NEDD4: variants seen among roughly 807,000 people sequenced by gnomAD.
The protein encoded by NEDD4 is E3 ubiquitin-protein ligase NEDD4.
Under a neutral mutation model 144.9 loss-of-function variants are expected in NEDD4, and 99 were observed. The ratio of observed to expected loss-of-function variants is 0.68; its 90% confidence interval spans 0.58 to 0.81. The LOEUF is 0.81. Ranked by LOEUF, NEDD4 falls within the 30% of genes least tolerant of loss-of-function variation. The pLI is 0.00. For missense variants in NEDD4, 985 were observed against 1,065.9 expected, an observed-to-expected ratio of 0.92 and a Z score of 1.06; for synonymous variants, 318 against 350.6, an observed-to-expected ratio of 0.91 and a Z score of 1.04.
intron 5 of NEDD4, among the ~76,000 whole-genome samples, chr15:55,908,761 G>A (rs2036179118): frequency 6.6e-6 from 1 of 152,158 alleles, no homozygotes; most frequent in East Asian, 1.9e-4. Context: ...TAGCCTGTGA[G>A]TCGGACACAG....
At chr15:55,945,367 G>A (rs1221247347) in intron 4 of NEDD4, among the ~76,000 whole-genome samples, 1 of 152,150 alleles carries the variant, frequency 6.6e-6, no homozygotes, top group Non-Finnish European at 1.5e-5. Context: ...TGTGATACAT[G>A]CACAAGCTTC....
intron 1 of NEDD4, among the ~76,000 whole-genome samples, chr15:55,990,434 A>C (rs2037970733): frequency 6.6e-6 from 1 of 152,148 alleles, no homozygotes; most frequent in Non-Finnish European, 1.5e-5. Context: ...GACTTCAAGA[A>C]TATAATCAAT....
At chr15:55,935,802 G>A (rs371178481) in intron 4 of NEDD4, among the ~76,000 whole-genome samples, 2 of 144,186 alleles carry the variant, frequency 1.4e-5, no homozygotes, top group African/African-American at 5.1e-5. Flanking sequence ...AGTTGAGATC[G>A]TGCCACTACA....
intron 4 of NEDD4, among the ~76,000 whole-genome samples, chr15:55,948,611 G>A (rs1204478443): frequency 6.6e-6 from 1 of 152,186 alleles, no homozygotes; most frequent in African/African-American, 2.4e-5. Context: ...CAGAGATACA[G>A]ACCAATGGAA....
chr15:55,918,151 G>A (rs1178900695), intron 5 of NEDD4, among the ~76,000 whole-genome samples: 1 of 152,028 alleles, frequency 6.6e-6, no homozygotes, highest in Non-Finnish European at 1.5e-5. Context: ...CTACCCTAGA[G>A]GTGGAATTAC....
At position 55,829,651 on chromosome 15, in the gene NEDD4, T is replaced by TC; in HGVS notation, c.*245_*246insG. On this transcript the variant is annotated 3_prime_UTR_variant, in exon 29 of 29. Transcript: ENST00000435532. ...TGAACTCTAAAGCCAGGTGTGGTGG[T>TC]GCCTGGCTTTAGGCAGGCACCTAAC... 1 of 375,606 alleles carries TC rather than the reference T, an allele frequency of 2.7e-6. No individual in the cohort carries two copies. Among genetic ancestry groups the TC allele is most frequent in the Non-Finnish European group, 4.8e-6 (1 of 206,844 alleles). 23.3% of individuals were successfully genotyped at this position (375,606 alleles called of 1,614,324 possible).
intron 5 of NEDD4, among the ~76,000 whole-genome samples, chr15:55,918,222 T>G (rs1448091076): frequency 6.6e-6 from 1 of 152,024 alleles, no homozygotes; most frequent in Non-Finnish European, 1.5e-5. Flanking sequence ...CTTTTAGAGG[T>G]TGTGATTTTG....
intron 2 of NEDD4, 130 bp downstream of exon 2, chr15:55,966,343 G>A: frequency 5.1e-6 from 3 of 584,094 alleles, no homozygotes; most frequent in East Asian, 6.8e-5. Flanking sequence ...ACCACCAACT[G>A]GTAATATTAT....
rs1322300432 is a variant in NEDD4, at chr15:55,852,760, G to C, written c.1027-217C>G. On this transcript the variant is annotated intron_variant, in intron 12 of 28. Coordinates refer to ENST00000435532, the MANE Select transcript of NEDD4 (RefSeq NM_006154.4). The stretch of plus-strand genomic sequence containing the variant: ...TGAGAGAGTGAGAGAGAGAGAGAGA[G>C]ACAGAGAGAGACAGGGTCTTGCTCT... Among the ~76,000 whole-genome samples the C allele has an allele frequency of 3.3e-5, 5 of 150,716 alleles. 1 individual carries two copies. Among genetic ancestry groups the C allele is most frequent in the African/African-American group, 1.2e-4 (5 of 40,850 alleles).
intron 5 of NEDD4, among the ~76,000 whole-genome samples, chr15:55,890,387 C>A (rs1383466099): frequency 1.3e-5 from 2 of 152,132 alleles, no homozygotes; most frequent in African/African-American, 4.8e-5. Flanking sequence ...CCTAGGCAAC[C>A]ACCAACCACT....
At chr15:55,915,883 C>G (rs2036424026) in intron 5 of NEDD4, 1 of 1,613,914 alleles carries the variant, frequency 6.2e-7, no homozygotes, top group Non-Finnish European at 8.5e-7. Context: ...GAAAGAAATC[C>G]TTTAGCACTA....
intron 5 of NEDD4, among the ~76,000 whole-genome samples, chr15:55,890,162 T>C (rs972712921): frequency 6.6e-6 from 1 of 152,198 alleles, no homozygotes; most frequent in Non-Finnish European, 1.5e-5. Flanking sequence ...TATATATACC[T>C]ACTATGTACC....
intron 4 of NEDD4, among the ~76,000 whole-genome samples, chr15:55,938,292 G>A (rs1452301993): frequency 6.6e-6 from 1 of 152,198 alleles, no homozygotes; most frequent in Non-Finnish European, 1.5e-5. Context: ...CTGGGAGGTG[G>A]TGGTTGCGGT....
intron 24 of NEDD4, among the ~76,000 whole-genome samples, chr15:55,835,161 C>A (rs2033136236): frequency 6.6e-6 from 1 of 152,160 alleles, no homozygotes; most frequent in Non-Finnish European, 1.5e-5. Flanking sequence ...TTACCAAATC[C>A]ATTCACTCAC....
intron 5 of NEDD4, among the ~76,000 whole-genome samples, chr15:55,878,844 C>T (rs149782920): frequency 0.019 from 2,873 of 152,272 alleles, 78 homozygotes; most frequent in African/African-American, 0.066. Context: ...TTTTTTGAGA[C>T]GGAGTTTCGC....
At chr15:55,886,106 G>T (rs2035378241) in intron 5 of NEDD4, among the ~76,000 whole-genome samples, 2 of 152,112 alleles carry the variant, frequency 1.3e-5, no homozygotes, top group East Asian at 1.9e-4. Flanking sequence ...GACAAAGAAG[G>T]TCATTATATA....
chr15:55,936,213 T>C (rs1197964760), intron 4 of NEDD4, among the ~76,000 whole-genome samples: 2 of 152,178 alleles, frequency 1.3e-5, no homozygotes, highest in African/African-American at 4.8e-5. Context: ...TTGTTTTCCC[T>C]TCCATAAAGC....
At chr15:55,974,134 C>T (rs569126431) in intron 1 of NEDD4, among the ~76,000 whole-genome samples, 29 of 152,118 alleles carry the variant, frequency 1.9e-4, no homozygotes, top group Non-Finnish European at 3.5e-4. Context: ...GAGACTACTG[C>T]GAACAACTAT....
At chr15:55,980,814 G>A (rs770985172) in intron 1 of NEDD4, among the ~76,000 whole-genome samples, 9 of 151,820 alleles carry the variant, frequency 5.9e-5, no homozygotes, top group Non-Finnish European at 8.8e-5. Context: ...GTGTGTGTGT[G>A]TTACATTTTT....
Sources: gnomAD v4.1 joint callset for allele counts (sites outside exome capture counted in the v4.1 genomes callset) on GRCh38, gnomAD v4.1.1 for gene constraint, MANE v1.5 for transcripts, NCBI Gene and HGNC (gene_info 2026-07-23, HGNC 2026-07-21) for gene names.